CDK13: variants seen among roughly 807,000 people sequenced by gnomAD.
CDK13 encodes the protein cyclin-dependent kinase 13.
CDK13 carries 40 observed loss-of-function variants against 137.6 expected under a neutral mutation model. The ratio of observed to expected loss-of-function variants is 0.29; its 90% CI spans 0.23 to 0.38. The LOEUF (loss-of-function observed/expected upper bound fraction) is 0.38. CDK13 is among the 10% of genes least tolerant of loss of function. The pLI is 1.00. For synonymous variants in CDK13, 869 were observed against 760.1 expected, an observed-to-expected ratio of 1.14 and a Z score of -2.36; for missense variants, 1,704 against 1,951.8, an observed-to-expected ratio of 0.87 and a Z score of 2.39.
rs555180885 is a variant in CDK13, at chr7:40,043,119, C to G, written c.2354-2717C>G. Among the ~76,000 whole-genome samples the G allele has an allele frequency of 3.3e-5, 5 of 152,296 alleles. No individual in the cohort carries two copies. In the East Asian group the frequency reaches 5.8e-4, roughly 18 times the overall value. ...CTCTCTTCCATATTGTTTCCTTAGG[C>G]AGTACTTCTACATTTTCATTTAATG... On this transcript the variant is annotated intron_variant, in intron 5 of 13. Transcript: ENST00000181839.
At chr7:40,087,688 A>G (rs1443903625) in intron 11 of CDK13, among the ~76,000 whole-genome samples, 3 of 151,146 alleles carry the variant, frequency 2.0e-5, no homozygotes, top group African/African-American at 7.3e-5. Context: ...AGCTGGGATT[A>G]CAGGTGCCCG....
In CDK13 at chr7:40,078,807, C is replaced by T. The variant is rs56028037; in HGVS notation, c.2985C>T (p.Cys995=). The T allele has an allele frequency of 7.2e-4, 1,093 of 1,518,082 alleles. No individual in the cohort carries two copies. Among genetic ancestry groups the T allele is most frequent in the African/African-American group, 5.1e-3 (365 of 72,210 alleles). The allele number at this position is 1,518,082 out of a possible 1,614,324, so 94.0% of individuals were successfully genotyped here. The change falls in exon 11 of 14, where the codon TGC becomes TGT. Residue 995 remains cysteine (C), a synonymous_variant. Transcript: ENST00000181839. ...KRCTAEQALQ[C]EFLRDVEPSK... ...GCACTGCTGAACAGGCTCTTCAGTG[C>T]GAGTTCCTCCGAGATGTGGAACCCT...
At chr7:40,050,802 G>C (rs1223800694) in intron 7 of CDK13, among the ~76,000 whole-genome samples, 1 of 152,146 alleles carries the variant, frequency 6.6e-6, no homozygotes, top group Non-Finnish European at 1.5e-5. Flanking sequence ...GTTAGATTTT[G>C]CTTAATATAA....
intron 9 of CDK13, chr7:40,070,808 CAT>C (rs10551165): frequency 0.54 from 81,270 of 150,062 alleles, 23,732 homozygotes; most frequent in African/African-American, 0.78. Context: ...TCTGTGTGGC[CAT>C]ATATATATAT....
At chr7:40,083,037 A>G (rs1025633237) in intron 11 of CDK13, among the ~76,000 whole-genome samples, 1 of 147,800 alleles carries the variant, frequency 6.8e-6, no homozygotes, top group African/African-American at 2.5e-5. Context: ...TGGGAAACGG[A>G]GGCTGCAGTG....
rs1285222711 is a variant in CDK13, at chr7:40,098,093, CTT to C, written c.*3117_*3118del. On this transcript the variant is annotated 3_prime_UTR_variant, in exon 14 of 14. Coordinates refer to ENST00000181839, the MANE Select transcript of CDK13 (RefSeq NM_003718.5). ...ATGTAGGGCATGAAAATTTGAGTAT[CTT>C]TTTGAAATTTTAAATTGAAATTTGG... 4 of 152,032 alleles carry C rather than the reference CTT, an allele frequency of 2.6e-5. No individual in the cohort carries two copies. The highest frequency in any genetic ancestry group is 1.9e-4 in the East Asian group (1 of 5,160). 9.4% of individuals were successfully genotyped at this position (152,032 alleles called of 1,614,324 possible). A position where few individuals can be genotyped will look rare whatever the true frequency, so the allele number is the denominator to read the frequency against.
At chr7:40,048,858 A>G (rs1323570768) in intron 7 of CDK13, 1 of 151,388 alleles carries the variant, frequency 6.6e-6, no homozygotes, top group Non-Finnish European at 1.5e-5. Flanking sequence ...GTAGAGGTTT[A>G]TAAGTGATAT....
intron 12 of CDK13, 50 bp downstream of exon 12, chr7:40,088,381 A>T: frequency 7.2e-7 from 1 of 1,397,984 alleles, no homozygotes; most frequent in East Asian, 2.3e-5. Context: ...TTTGCAGTTA[A>T]TTCTGATCAT....
chr7:40,062,312 G>A (rs908476726), intron 7 of CDK13: 11 of 152,322 alleles, frequency 7.2e-5, no homozygotes, highest in African/African-American at 2.7e-4. Context: ...TTGAGACGGA[G>A]TCTTGCTCTG....
At chr7:40,053,135 T>C (rs1584043025) in intron 7 of CDK13, among the ~76,000 whole-genome samples, 1 of 151,986 alleles carries the variant, frequency 6.6e-6, no homozygotes, top group Non-Finnish European at 1.5e-5. Flanking sequence ...TGGAAAGAAT[T>C]CCCCCCTCCT....
At position 39,996,984 on chromosome 7, in the gene CDK13, A is replaced by AAG. The variant is rs1017931457; in HGVS notation, c.1872-509_1872-508insGA. On this transcript the variant is annotated intron_variant, in intron 2 of 13. Coordinates refer to ENST00000181839, the MANE Select transcript of CDK13 (RefSeq NM_003718.5). ...CTCAAAAAAAAAAAAAAAGAAAAAA[A>AAG]AAAAGAAAAATGCTTTGCAAAACTG... Among the ~76,000 whole-genome samples the AAG allele has an allele frequency of 3.0e-4, 42 of 138,350 alleles. 1 individual carries two copies. In the South Asian group the frequency reaches 8.4e-3, roughly 28 times the overall value. 90.8% of individuals were successfully genotyped at this position (138,350 alleles called of 152,430 possible).
intron 7 of CDK13, 114 bp from the exon 8 acceptor site, chr7:40,062,712 A>C (rs546001640): frequency 1.1e-5 from 8 of 752,510 alleles, no homozygotes; most frequent in Non-Finnish European, 1.6e-5. Flanking sequence ...TAGGCAGATG[A>C]AAGTGTTTTT....
At chr7:40,016,419 A>G (rs1186194536) in intron 5 of CDK13, among the ~76,000 whole-genome samples, 2 of 152,178 alleles carry the variant, frequency 1.3e-5, no homozygotes, top group African/African-American at 2.4e-5. Context: ...GTCTACCTAT[A>G]TGTACTAGAT....
intron 5 of CDK13, among the ~76,000 whole-genome samples, chr7:40,036,149 C>G (rs1785477263): frequency 7.0e-6 from 1 of 142,522 alleles, no homozygotes; most frequent in African/African-American, 2.7e-5. Context: ...GAGTGAGACC[C>G]TGTCTCAAAA....
intron 5 of CDK13, among the ~76,000 whole-genome samples, chr7:40,022,866 T>G (rs1785157342): frequency 6.6e-6 from 1 of 151,824 alleles, no homozygotes; most frequent in Non-Finnish European, 1.5e-5. Flanking sequence ...TTCTTTTTTT[T>G]TTTTTTGCAG....
chr7:39,951,885 G>C (rs1047088925), intron 1 of CDK13, 33 bp downstream of exon 1: 4 of 1,333,246 alleles, frequency 3.0e-6, no homozygotes, highest in Non-Finnish European at 3.8e-6. Flanking sequence ...TGTGTGCCTT[G>C]GCTGCGCTGG....
intron 1 of CDK13, among the ~76,000 whole-genome samples, chr7:39,959,133 A>G (rs1331531075): frequency 8.7e-6 from 1 of 115,198 alleles, no homozygotes; most frequent in East Asian, 3.3e-4. Context: ...TTTGATATTT[A>G]ATAAGGTTTA....
chr7:40,007,724 A>T (rs781446529), intron 5 of CDK13, among the ~76,000 whole-genome samples: 8 of 152,186 alleles, frequency 5.3e-5, no homozygotes, highest in Non-Finnish European at 8.8e-5. Flanking sequence ...CACCGCGCCC[A>T]GCCATAACTT....
At chr7:40,029,595 C>T (rs1461022648) in intron 5 of CDK13, among the ~76,000 whole-genome samples, 1 of 151,304 alleles carries the variant, frequency 6.6e-6, no homozygotes, top group Non-Finnish European at 1.5e-5. Context: ...TGGCGCGCGC[C>T]TGTAGTTTCA....
Sources: allele counts gnomAD v4.1 joint callset (sites outside exome capture counted in the v4.1 genomes callset), GRCh38; gene constraint gnomAD v4.1.1; transcripts MANE v1.5; gene names NCBI Gene and HGNC (gene_info 2026-07-23, HGNC 2026-07-21).